ARL8A: variants seen among roughly 807,000 people sequenced by gnomAD.
ARL8A encodes ARF like GTPase 8A, also known as ADP-ribosylation factor-like protein 8A.
Under a neutral mutation model 31.2 loss-of-function variants are expected in ARL8A, and 10 were observed. The observed-to-expected ratio is 0.32, with a 90% CI of 0.20 to 0.54. ARL8A has a LOEUF of 0.54. Among genes scored for constraint, ARL8A ranks in the 20% least tolerant of loss-of-function variants. The pLI, the probability that ARL8A is intolerant of heterozygous loss-of-function variation, is 0.93. For missense variants in ARL8A, 129 were observed against 242.8 expected (o/e 0.53, Z 3.12); for synonymous variants, 70 against 86.9 (o/e 0.81, Z 1.08).
In ARL8A at chr1:202,134,393, C is replaced by A; in HGVS notation, c.*74G>T. 6.7e-7 allele frequency: 1 copy of A among 1,502,796 alleles called. No homozygotes were observed. Among genetic ancestry groups the A allele is most frequent in the Non-Finnish European group, 9.2e-7 (1 of 1,082,888 alleles). 93.1% of individuals were successfully genotyped at this position (1,502,796 alleles called of 1,614,324 possible). A position where few individuals can be genotyped will look rare whatever the true frequency, so the allele number is the denominator to read the frequency against. On this transcript the variant is annotated 3_prime_UTR_variant, in exon 7 of 7. Coordinates refer to ENST00000272217, the MANE Select transcript of ARL8A (RefSeq NM_138795.4). The surrounding 1 kb of genome is among the most constrained non-coding windows in gnomAD (Gnocchi z 4.2). The stretch of plus-strand genomic sequence containing the variant: ...AGGAGGGGTGGGCTTAGGGGGACGA[C>A]AGGGGTGGGCGGGGAGCTCGGCTTC...
At chr1:202,140,230 A>G (rs1014236097) in intron 1 of ARL8A, among the ~76,000 whole-genome samples, 1 of 151,020 alleles carries the variant, frequency 6.6e-6, no homozygotes, top group East Asian at 2.0e-4. Flanking sequence ...CCTGGGTTCA[A>G]GCAGTTCTCC....
At position 202,135,308 on chromosome 1, in the gene ARL8A, A is replaced by G; in HGVS notation, c.441-88T>C. The stretch of plus-strand genomic sequence containing the variant: ...GACAGCGGGGCCTTTTTCTTACCTA[A>G]GAGGCTACAAAGGGGAGGGTGAGGT... On this transcript the variant is annotated intron_variant, in intron 5 of 6. Coordinates refer to ENST00000272217, the MANE Select transcript of ARL8A (RefSeq NM_138795.4). This position sits in a 1 kb window ranked among gnomAD's most constrained non-coding sequence, Gnocchi z 5.3. The G allele has an allele frequency of 6.8e-7, 1 of 1,480,326 alleles. No individual in the cohort carries two copies. Among genetic ancestry groups the G allele is most frequent in the Non-Finnish European group, 9.4e-7 (1 of 1,059,438 alleles). 91.7% of individuals were successfully genotyped at this position (1,480,326 alleles called of 1,614,324 possible). A position where few individuals can be genotyped will look rare whatever the true frequency, so the allele number is the denominator to read the frequency against.
chr1:202,134,300 A>G lies in ARL8A; in HGVS notation c.*167T>C. 2 of 616,978 alleles carry G rather than the reference A, an allele frequency of 3.2e-6. No homozygotes were observed. The highest frequency in any genetic ancestry group is 5.8e-6 in the Non-Finnish European group (2 of 347,070). 38.2% of individuals were successfully genotyped at this position (616,978 alleles called of 1,614,324 possible). ...TGGGGGGCAATTTATTTTACAATAA[A>G]AACAGGAGTTCAAACCTCAGCAGAA... On this transcript the variant is annotated 3_prime_UTR_variant, in exon 7 of 7. Transcript: ENST00000272217. The surrounding 1 kb of genome is among the most constrained non-coding windows in gnomAD (Gnocchi z 4.2).
intron 3 of ARL8A, among the ~76,000 whole-genome samples, chr1:202,136,006 T>G (rs1322861760): frequency 2.0e-5 from 3 of 152,140 alleles, no homozygotes; most frequent in African/African-American, 7.2e-5. Context: ...AGGGACTCCT[T>G]AGGCCTGCCA....
chr1:202,141,887 G>A (rs999903776), intron 1 of ARL8A, among the ~76,000 whole-genome samples: 2 of 150,678 alleles, frequency 1.3e-5, no homozygotes, highest in Admixed American at 6.6e-5. Context: ...TTTTTGAGAC[G>A]GAGTTTCGCT....
At position 202,138,309 on chromosome 1, in the gene ARL8A, ACAC is replaced by A; in HGVS notation, c.204+56_204+58del. On this transcript the variant is annotated intron_variant, in intron 2 of 6. Transcript: ENST00000272217. The surrounding 1 kb of genome is among the most constrained non-coding windows in gnomAD (Gnocchi z 4.4). ...TGCCCTCCCCAACACACACACACAC[ACAC>A]ACACACACACACACAAAAACAGTCC... 1 of 1,524,378 alleles carries A rather than the reference ACAC, an allele frequency of 6.6e-7. No homozygotes were observed. The highest frequency in any genetic ancestry group is 9.1e-7 in the Non-Finnish European group (1 of 1,100,860). The allele number at this position is 1,524,378 out of a possible 1,614,324, so 94.4% of individuals were successfully genotyped here.
In ARL8A at chr1:202,138,470, G is replaced by A; in HGVS notation, c.124-22C>T. On this transcript the variant is annotated intron_variant, in intron 1 of 6. Transcript: ENST00000272217. This position sits in a 1 kb window ranked among gnomAD's most constrained non-coding sequence, Gnocchi z 4.4. ...CTGACTGGAAAGAAGACTCAGAATGGGAAACAGTGCAAAAATCGATATGCC... is the reference window on the plus strand; with the variant it reads ...CTGACTGGAAAGAAGACTCAGAATGAGAAACAGTGCAAAAATCGATATGCC... 1 of 1,610,392 alleles carries A rather than the reference G, an allele frequency of 6.2e-7. No individual in the cohort carries two copies. The highest frequency in any genetic ancestry group is 8.5e-7 in the Non-Finnish European group (1 of 1,176,658).
At position 202,135,044 on chromosome 1, in the gene ARL8A, C is replaced by T. The variant is rs1654967525; in HGVS notation, c.511+106G>A. On this transcript the variant is annotated intron_variant, in intron 6 of 6. Transcript: ENST00000272217. The surrounding 1 kb of genome is among the most constrained non-coding windows in gnomAD (Gnocchi z 5.3). ...CTGGCTGCCTTTTCTACCCAAGAGC[C>T]ACAGGGCTTTGGACTTCAGGGAAAG... 10 of 1,176,770 alleles carry T rather than the reference C, an allele frequency of 8.5e-6. No homozygotes were observed. The highest frequency in any genetic ancestry group is 5.4e-5 in the South Asian group (4 of 74,506). The allele number at this position is 1,176,770 out of a possible 1,614,324, so 72.9% of individuals were successfully genotyped here.
Position 202,144,071 on chromosome 1 carries a change from T to C in ARL8A, c.123+379A>G, listed in dbSNP as rs1174594276. Among the ~76,000 whole-genome samples, 2 of 152,232 alleles carry C rather than the reference T, an allele frequency of 1.3e-5. No individual in the cohort carries two copies. The highest frequency in any genetic ancestry group is 4.8e-5 in the African/African-American group (2 of 41,552). ...TCTACCCGCGGGACAGGAAGGCCCG[T>C]GCACTTTCGCCCCGTCATGCCCCCT... On this transcript the variant is annotated intron_variant, in intron 1 of 6. Transcript: ENST00000272217. This position sits in a 1 kb window ranked among gnomAD's most constrained non-coding sequence, Gnocchi z 5.2.
rs998228017 is a variant in ARL8A, at chr1:202,144,628, C to G, written c.-56G>C. Reference sequence around the variant, plus strand: ...GGTCCCCGCCGCCCCTCGCTGCCCTCGCGCTGCGGCCCGGAGCGGCCCCTC... The same window carrying G: ...GGTCCCCGCCGCCCCTCGCTGCCCTGGCGCTGCGGCCCGGAGCGGCCCCTC... On this transcript the variant is annotated 5_prime_UTR_variant, in exon 1 of 7. Transcript: ENST00000272217. This position sits in a 1 kb window ranked among gnomAD's most constrained non-coding sequence, Gnocchi z 5.2. The G allele has an allele frequency of 1.1e-4, 140 of 1,311,354 alleles. No homozygotes were observed. The highest frequency in any genetic ancestry group is 1.3e-4 in the Admixed American group (5 of 38,242). The allele number at this position is 1,311,354 out of a possible 1,614,324, so 81.2% of individuals were successfully genotyped here. A position where few individuals can be genotyped will look rare whatever the true frequency, so the allele number is the denominator to read the frequency against.
chr1:202,139,687 C>A (rs1373245155), intron 1 of ARL8A, among the ~76,000 whole-genome samples: 2 of 120,344 alleles, frequency 1.7e-5, no homozygotes, highest in African/African-American at 6.5e-5. Context: ...GCTCTATGGC[C>A]CAGGCTGGAG....
intron 1 of ARL8A, among the ~76,000 whole-genome samples, chr1:202,140,898 G>A (rs1364406991): frequency 6.6e-6 from 1 of 152,120 alleles, no homozygotes. Context: ...GAACTTCTCT[G>A]GACCTCAGTG....
Position 202,135,671 on chromosome 1 carries a change from G to C in ARL8A, c.372+36C>G, listed in dbSNP as rs368931585. The C allele has an allele frequency of 1.4e-4, 224 of 1,599,440 alleles. 3 individuals are homozygous for C. In the African/African-American group the frequency reaches 2.7e-3, roughly 20 times the overall value. On this transcript the variant is annotated intron_variant, in intron 4 of 6. Coordinates refer to ENST00000272217, the MANE Select transcript of ARL8A (RefSeq NM_138795.4). The surrounding 1 kb of genome is among the most constrained non-coding windows in gnomAD (Gnocchi z 5.3). ...CTGCTCCCAGTGACTTCCCAGCCGA[G>C]CTCCCTCCCCATCCCGCTCCCTCAG...
intron 1 of ARL8A, among the ~76,000 whole-genome samples, chr1:202,140,014 A>G (rs2147812957): frequency 6.6e-6 from 1 of 152,234 alleles, no homozygotes; most frequent in South Asian, 2.1e-4. Context: ...CTTGGGTTAC[A>G]TAAAGAGATC....
chr1:202,141,931 G>A (rs866554294), intron 1 of ARL8A, among the ~76,000 whole-genome samples: 4 of 151,054 alleles, frequency 2.6e-5, no homozygotes, highest in Admixed American at 6.7e-5. Flanking sequence ...GTGGCGGCAC[G>A]ATCTTAACTC....
chr1:202,135,202 C>T lies in ARL8A; in HGVS notation c.459G>A (p.Gln153=), dbSNP rs74745206. The change falls in exon 6 of 7, where the codon CAG becomes CAA. Residue 153 remains glutamine, a synonymous_variant. Transcript: ENST00000272217. The surrounding 1 kb of genome is among the most constrained non-coding windows in gnomAD (Gnocchi z 5.3). ...TGGAGTAGCAGCAGATCTCTCGGTCCTGGATGGCAGACAGATTCCTGGGGG... is the reference window on the plus strand; with the variant it reads ...TGGAGTAGCAGCAGATCTCTCGGTCTTGGATGGCAGACAGATTCCTGGGGG... ...LIEKMNLSAI[Q]DREICCYSIS... The T allele has an allele frequency of 2.3e-3, 3,773 of 1,614,136 alleles. 64 individuals carry two copies. In the African/African-American group the frequency reaches 0.042, roughly 18 times the overall value.
At position 202,135,755 on chromosome 1, in the gene ARL8A, C is replaced by G; in HGVS notation, c.324G>C (p.Lys108Asn). 6.2e-7 allele frequency: 1 copy of G among 1,614,154 alleles called. No individual in the cohort carries two copies. The highest frequency in any genetic ancestry group is 8.5e-7 in the Non-Finnish European group (1 of 1,180,022). The change falls in exon 4 of 7, where the codon AAG (lysine) becomes AAC (asparagine). Residue 108 changes from lysine (K) to asparagine (N), a missense_variant. By Grantham distance (94) the Lys-to-Asn change is moderately conservative. Transcript: ENST00000272217. This position sits in a 1 kb window ranked among gnomAD's most constrained non-coding sequence, Gnocchi z 5.3. ...TGTCCAGTAGGTTGTGGAGCTCGTT[C>G]TTAGAGGCCTCAATCTTCTCCTGGT... ...AADQEKIEASKNELHNLLDKP... is the reference protein window; with the variant it reads ...AADQEKIEASNNELHNLLDKP...
chr1:202,141,918 G>A (rs1655174988), intron 1 of ARL8A, among the ~76,000 whole-genome samples: 1 of 151,366 alleles, frequency 6.6e-6, no homozygotes, highest in Non-Finnish European at 1.5e-5. Flanking sequence ...AGGCTGGAGT[G>A]CAGTGGCGGC....
chr1:202,140,455 C>T (rs903976253), intron 1 of ARL8A, among the ~76,000 whole-genome samples: 4 of 152,068 alleles, frequency 2.6e-5, no homozygotes, highest in Non-Finnish European at 5.9e-5. Flanking sequence ...TCCCTTTTAT[C>T]TGCAGGAACC....
Sources: allele counts gnomAD v4.1 joint callset (sites outside exome capture counted in the v4.1 genomes callset), GRCh38; gene constraint gnomAD v4.1.1; non-coding constraint Gnocchi (gnomAD v3.1); transcripts MANE v1.5; gene names NCBI Gene and HGNC (gene_info 2026-07-23, HGNC 2026-07-21).